Variants in SNRPG observed in about 807,000 individuals in gnomAD.
SNRPG encodes small nuclear ribonucleoprotein polypeptide G.
A neutral mutation model predicts 13.9 loss-of-function variants in SNRPG; 3 were observed. That is an observed-to-expected ratio of 0.22 (90% CI 0.10 to 0.56). The LOEUF (loss-of-function observed/expected upper bound fraction) is 0.56. Ranked by LOEUF, SNRPG falls within the 20% of genes least tolerant of loss-of-function variation. The probability of loss-of-function intolerance (pLI) is 0.93; values close to 1 mark genes in which losing one functional copy is unlikely to be tolerated. For synonymous variants in SNRPG, 29 were observed against 29.3 expected (o/e 0.99, Z 0.03); for missense variants, 34 against 96.1 (o/e 0.35, Z 2.70).
intron 3 of SNRPG, among the ~76,000 whole-genome samples, chr2:70,283,096 C>CAA (rs57862220): frequency 0.019 from 261 of 14,026 alleles, 37 homozygotes; most frequent in African/African-American, 0.059. Context: ...TGTCTTTTGT[C>CAA]AAAAAAAAAA....
intron 3 of SNRPG, among the ~76,000 whole-genome samples, chr2:70,284,398 T>A (rs1696890111): frequency 6.6e-6 from 1 of 152,164 alleles, no homozygotes; most frequent in Admixed American, 6.6e-5. Flanking sequence ...TTATTATTTT[T>A]TTTGAAACAG....
chr2:70,293,626 C>T lies in SNRPG; in HGVS notation c.24G>A (p.Glu8=), dbSNP rs776461879. 25 of 1,614,024 alleles carry T rather than the reference C, an allele frequency of 1.5e-5. No individual in the cohort carries two copies. Among genetic ancestry groups the T allele is most frequent in the African/African-American group, 2.7e-5 (2 of 74,946 alleles). Residue 8 remains glutamate (E), a synonymous_variant, in exon 1 of 4, where the codon GAG becomes GAA. Transcript: ENST00000272348. MSKAHPP[E]LKKFMDKKLS... ...CTCTCACACATACTTACTTTTTCAACTCGGGAGGGTGAGCTTTGCTCATGG... is the reference window on the plus strand; with the variant it reads ...CTCTCACACATACTTACTTTTTCAATTCGGGAGGGTGAGCTTTGCTCATGG...
At chr2:70,288,568 T>C (rs2104918909) in intron 2 of SNRPG, among the ~76,000 whole-genome samples, 1 of 152,298 alleles carries the variant, frequency 6.6e-6, no homozygotes, top group East Asian at 1.9e-4. Context: ...AGCTTTTAAG[T>C]AACTGGGTTC....
rs1696778825 is a variant in SNRPG, at chr2:70,281,397, A to ACTT, written c.*234_*236dup. Reference sequence around the variant, plus strand: ...GTTTCACATTTAATAAGATTCTTTCACTTTAATGCATAAAACCCTTTGAAA... The same window carrying ACTT: ...GTTTCACATTTAATAAGATTCTTTCACTTCTTTAATGCATAAAACCCTTTGAAA... On this transcript the variant is annotated 3_prime_UTR_variant, in exon 4 of 4. Coordinates refer to ENST00000272348, the MANE Select transcript of SNRPG (RefSeq NM_003096.4). The ACTT allele has an allele frequency of 3.0e-6, 1 of 334,436 alleles. No individual in the cohort carries two copies. Among genetic ancestry groups the ACTT allele is most frequent in the East Asian group, 5.4e-5 (1 of 18,538 alleles). The allele number at this position is 334,436 out of a possible 1,614,324, so 20.7% of individuals were successfully genotyped here.
chr2:70,292,409 G>A (rs950796392), intron 1 of SNRPG, among the ~76,000 whole-genome samples: 11 of 152,020 alleles, frequency 7.2e-5, no homozygotes, highest in African/African-American at 1.9e-4. Flanking sequence ...GGGCAATGGC[G>A]CGATCTTGAC....
At chr2:70,289,224 A>G in intron 2 of SNRPG, 126 bp downstream of exon 2, 1 of 508,124 alleles carries the variant, frequency 2.0e-6, no homozygotes, top group Non-Finnish European at 3.7e-6. Flanking sequence ...AAGTGCTGGG[A>G]TTACAGCCGT....
chr2:70,291,505 C>T (rs1697096504), intron 1 of SNRPG, among the ~76,000 whole-genome samples: 1 of 152,140 alleles, frequency 6.6e-6, no homozygotes. Context: ...GTCGAATAAG[C>T]AGTAGGATGT....
At chr2:70,291,784 A>T (rs563669540) in intron 1 of SNRPG, among the ~76,000 whole-genome samples, 1 of 152,220 alleles carries the variant, frequency 6.6e-6, no homozygotes, top group African/African-American at 2.4e-5. Flanking sequence ...TATGTTATGA[A>T]TCAGAAAGAA....
At chr2:70,286,682 T>C (rs1223492420) in intron 3 of SNRPG, among the ~76,000 whole-genome samples, 3 of 152,042 alleles carry the variant, frequency 2.0e-5, no homozygotes, top group Non-Finnish European at 4.4e-5. Flanking sequence ...GTCCATAAAG[T>C]TTAGGGGGAA....
chr2:70,288,661 CAT>C (rs998422742), intron 2 of SNRPG, among the ~76,000 whole-genome samples: 1 of 152,196 alleles, frequency 6.6e-6, no homozygotes, highest in Non-Finnish European at 1.5e-5. Flanking sequence ...TTTTCCCCTA[CAT>C]ATATTTCAAG....
intron 3 of SNRPG, among the ~76,000 whole-genome samples, chr2:70,285,843 G>C (rs1319681463): frequency 6.6e-6 from 1 of 152,192 alleles, no homozygotes; most frequent in Non-Finnish European, 1.5e-5. Context: ...AAGTAAGATA[G>C]AGGCGATGCC....
intron 3 of SNRPG, among the ~76,000 whole-genome samples, chr2:70,283,334 G>A (rs182400842): frequency 5.5e-4 from 83 of 152,042 alleles, no homozygotes; most frequent in African/African-American, 1.9e-3. Context: ...GGAGGGGTAC[G>A]GGAGGGAAAG....
At chr2:70,293,371 G>GT (rs1697153921) in intron 1 of SNRPG, 1 of 628,934 alleles carries the variant, frequency 1.6e-6, no homozygotes, top group African/African-American at 1.8e-5. Flanking sequence ...GGGCCAGACC[G>GT]CGGGACCTGG....
At chr2:70,289,499 A>G in intron 1 of SNRPG, 127 bp from the exon 2 acceptor site, 1 of 582,486 alleles carries the variant, frequency 1.7e-6, no homozygotes, top group Non-Finnish European at 3.1e-6. Context: ...CTAAAATAGT[A>G]AAAATAATGT....
intron 2 of SNRPG, 25 bp from the exon 3 acceptor site, chr2:70,288,217 T>C (rs561317591): frequency 1.9e-6 from 3 of 1,602,974 alleles, no homozygotes; most frequent in Non-Finnish European, 2.6e-6. Context: ...AAAAGAAGTT[T>C]TAGAAAAACA....
intron 3 of SNRPG, among the ~76,000 whole-genome samples, chr2:70,282,864 C>T (rs910822995): frequency 6.6e-6 from 1 of 151,938 alleles, no homozygotes; most frequent in East Asian, 1.9e-4. Flanking sequence ...GAGGCCAAGG[C>T]GGGTGGATCA....
rs557494137 is a variant in SNRPG, at chr2:70,291,478, T to C, written c.33-2106A>G. Among the ~76,000 whole-genome samples the C allele has an allele frequency of 9.8e-4, 149 of 152,270 alleles. 1 individual carries two copies. Among genetic ancestry groups the C allele is most frequent in the Admixed American group, 2.1e-3 (32 of 15,278 alleles). ...TACTGACATTTGGGACCAGTTAATT[T>C]TGTATTGTTGGGGGCAGTCGAATAA... On this transcript the variant is annotated intron_variant, in intron 1 of 3. Coordinates refer to ENST00000272348, the MANE Select transcript of SNRPG (RefSeq NM_003096.4).
At chr2:70,287,392 C>G (rs1396654561) in intron 3 of SNRPG, 1 of 694,086 alleles carries the variant, frequency 1.4e-6, no homozygotes, top group Non-Finnish European at 2.6e-6. Context: ...CAAAGAGGGA[C>G]TCAAAGTCTG....
rs199810121 is a variant in SNRPG at position 70,285,399 on chromosome 2, CTG to C, written c.180+2667_180+2668del. On this transcript the variant is annotated intron_variant, in intron 3 of 3. Coordinates refer to ENST00000272348, the MANE Select transcript of SNRPG (RefSeq NM_003096.4). ...CCAGCCTGGCCAACATAGTGAAACCCTGTCTCTACTAAAAATACAAAAATTAG... is the reference window on the plus strand; with the variant it reads ...CCAGCCTGGCCAACATAGTGAAACCCTCTCTACTAAAAATACAAAAATTAG... Among the ~76,000 whole-genome samples, 708 of 152,236 alleles carry C rather than the reference CTG, an allele frequency of 4.7e-3. 3 individuals carry two copies. The highest frequency in any genetic ancestry group is 0.016 in the African/African-American group (670 of 41,536).
Sources: allele counts gnomAD v4.1 joint callset (sites outside exome capture counted in the v4.1 genomes callset), GRCh38; gene constraint gnomAD v4.1.1; transcripts MANE v1.5; gene names NCBI Gene and HGNC (gene_info 2026-07-23, HGNC 2026-07-21).